KHDRBS2: variants seen among roughly 807,000 people sequenced by gnomAD.
The protein encoded by KHDRBS2 is KH RNA binding domain containing, signal transduction associated 2.
KHDRBS2 carries 26 observed loss-of-function variants against 44.3 expected under a neutral mutation model. The observed-to-expected ratio is 0.59, with a 90% CI of 0.43 to 0.81. The LOEUF (loss-of-function observed/expected upper bound fraction) is 0.81, where lower values mean the gene tolerates loss of function less well. Among genes scored for constraint, KHDRBS2 ranks in the 40% least tolerant of loss-of-function variants. The pLI, the probability that KHDRBS2 is intolerant of heterozygous loss-of-function variation, is 0.00. For synonymous variants in KHDRBS2, 194 were observed against 151.1 expected (o/e 1.28, Z -2.08); for missense variants, 476 against 433.1 (o/e 1.10, Z -0.88).
At chr6:62,125,295 G>A (rs1808698110) in intron 2 of KHDRBS2, among the ~76,000 whole-genome samples, 1 of 152,164 alleles carries the variant, frequency 6.6e-6, no homozygotes, top group Non-Finnish European at 1.5e-5. Context: ...TCCATAGTGG[G>A]AGGATTTAGA....
intron 3 of KHDRBS2, among the ~76,000 whole-genome samples, chr6:62,038,140 C>CA (rs36027541): frequency 2.0e-5 from 3 of 151,372 alleles, no homozygotes; most frequent in East Asian, 3.9e-4. Context: ...TGTCCTGCTG[C>CA]AAAAAAAATC....
chr6:62,058,805 AATG>A (rs1165552019), intron 2 of KHDRBS2, among the ~76,000 whole-genome samples: 1 of 151,882 alleles, frequency 6.6e-6, no homozygotes, highest in African/African-American at 2.4e-5. Context: ...CAAAATAGAC[AATG>A]ATGAGTATTG....
the KHDRBS2 span, among the ~76,000 whole-genome samples, chr6:61,670,558 T>C: frequency 0.025 from 3,726 of 151,578 alleles, 73 homozygotes; most frequent in Middle Eastern, 0.082. Flanking sequence ...TCAAGCAACA[T>C]ATAATTATAA....
At chr6:61,901,869 T>G (rs1562404233) in intron 4 of KHDRBS2, among the ~76,000 whole-genome samples, 1 of 152,230 alleles carries the variant, frequency 6.6e-6, no homozygotes, top group Non-Finnish European at 1.5e-5. Flanking sequence ...AGAAGTATGA[T>G]AGTATGTCCC....
At chr6:62,205,817 A>T (rs1007305888) in intron 1 of KHDRBS2, among the ~76,000 whole-genome samples, 2 of 152,160 alleles carry the variant, frequency 1.3e-5, no homozygotes, top group African/African-American at 4.8e-5. Flanking sequence ...ACTGTCTATC[A>T]TGGATTACTG....
the KHDRBS2 span, among the ~76,000 whole-genome samples, chr6:61,668,089 G>T: frequency 6.6e-6 from 1 of 150,614 alleles, no homozygotes; most frequent in African/African-American, 2.4e-5. Flanking sequence ...TATTGTTAAG[G>T]CTTGCAAGAG....
At chr6:62,189,952 G>A (rs1824248016) in intron 1 of KHDRBS2, among the ~76,000 whole-genome samples, 1 of 152,100 alleles carries the variant, frequency 6.6e-6, no homozygotes, top group African/African-American at 2.4e-5. Context: ...GAAAAGGTTG[G>A]GGGTTGACAT....
the KHDRBS2 span, among the ~76,000 whole-genome samples, chr6:61,609,311 T>C: frequency 6.6e-6 from 1 of 152,172 alleles, no homozygotes. Context: ...TGAGCCGAGA[T>C]TGCGCCACTG....
chr6:62,192,772 T>G (rs1214222591), intron 1 of KHDRBS2, among the ~76,000 whole-genome samples: 2 of 152,100 alleles, frequency 1.3e-5, no homozygotes, highest in African/African-American at 2.4e-5. Flanking sequence ...ACTCAGCACA[T>G]GTTATAGAGA....
intron 6 of KHDRBS2, among the ~76,000 whole-genome samples, chr6:61,820,249 G>T (rs376409002): frequency 6.6e-6 from 1 of 152,062 alleles, no homozygotes; most frequent in Non-Finnish European, 1.5e-5. Context: ...ACTTTCATGA[G>T]ATTCTAGTTG....
intron 7 of KHDRBS2, among the ~76,000 whole-genome samples, chr6:61,709,676 T>A (rs1376442728): frequency 6.6e-6 from 1 of 151,694 alleles, no homozygotes; most frequent in Non-Finnish European, 1.5e-5. Context: ...TTATGTAGAA[T>A]TATTATTAGA....
At chr6:62,233,641 A>C (rs1833227696) in intron 1 of KHDRBS2, among the ~76,000 whole-genome samples, 1 of 151,216 alleles carries the variant, frequency 6.6e-6, no homozygotes, top group African/African-American at 2.4e-5. Flanking sequence ...CCCTTCTCCC[A>C]CCCTCCACCC....
At chr6:61,837,122 T>C (rs562329986) in intron 6 of KHDRBS2, among the ~76,000 whole-genome samples, 1 of 151,988 alleles carries the variant, frequency 6.6e-6, no homozygotes, top group Non-Finnish European at 1.5e-5. Context: ...CCCTAAATGA[T>C]GTTAGGCTGA....
intron 2 of KHDRBS2, among the ~76,000 whole-genome samples, chr6:62,112,797 G>A (rs537253271): frequency 2.6e-5 from 4 of 152,164 alleles, no homozygotes; most frequent in East Asian, 1.9e-4. Flanking sequence ...AAAATGGTGC[G>A]ATATAATATT....
intron 1 of KHDRBS2, among the ~76,000 whole-genome samples, chr6:62,229,979 T>C (rs1236937223): frequency 1.3e-5 from 2 of 152,192 alleles, no homozygotes; most frequent in East Asian, 3.9e-4. Context: ...ATTTTATACA[T>C]TGGCATTAGA....
the KHDRBS2 span, among the ~76,000 whole-genome samples, chr6:61,611,405 T>C: frequency 6.6e-6 from 1 of 152,182 alleles, no homozygotes; most frequent in South Asian, 2.1e-4. Flanking sequence ...CTAAAGTAAA[T>C]ACTCTTACAG....
chr6:61,734,495 T>C (rs1370792223), intron 6 of KHDRBS2, among the ~76,000 whole-genome samples: 1 of 152,098 alleles, frequency 6.6e-6, no homozygotes, highest in African/African-American at 2.4e-5. Flanking sequence ...GTTATTGTTG[T>C]TGGATTTATA....
intron 4 of KHDRBS2, among the ~76,000 whole-genome samples, chr6:61,914,067 C>G (rs533835853): frequency 1.3e-5 from 2 of 152,016 alleles, no homozygotes; most frequent in South Asian, 2.1e-4. Flanking sequence ...ATTCTGGCTG[C>G]CATGACACAA....
intron 4 of KHDRBS2, among the ~76,000 whole-genome samples, chr6:61,925,240 A>G (rs1808738368): frequency 6.6e-6 from 1 of 152,076 alleles, no homozygotes; most frequent in Non-Finnish European, 1.5e-5. Context: ...TTCAATCCCT[A>G]CTCAGTAGTG....
Sources: allele counts gnomAD v4.1 joint callset (sites outside exome capture counted in the v4.1 genomes callset), GRCh38; gene constraint gnomAD v4.1.1; transcripts MANE v1.5; gene names NCBI Gene and HGNC (gene_info 2026-07-23, HGNC 2026-07-21).